Variants in CCNB1IP1 observed in about 807,000 individuals in gnomAD.
CCNB1IP1 encodes E3 ubiquitin-protein ligase CCNB1IP1.
CCNB1IP1 carries 14 observed loss-of-function variants against 25.6 expected under a neutral mutation model. The observed-to-expected ratio is 0.55, with a 90% CI of 0.36 to 0.85. CCNB1IP1 has a LOEUF of 0.85. Among genes scored for constraint, CCNB1IP1 ranks in the 40% least tolerant of loss-of-function variants. The probability of loss-of-function intolerance (pLI) is 0.01; values close to 1 mark genes in which losing one functional copy is unlikely to be tolerated. For synonymous variants in CCNB1IP1, 119 were observed against 116.1 expected (o/e 1.02, Z -0.16); for missense variants, 278 against 342.4 (o/e 0.81, Z 1.48).
chr14:20,327,109 A>AC (rs1387172916), intron 2 of CCNB1IP1, among the ~76,000 whole-genome samples: 1 of 151,888 alleles, frequency 6.6e-6, no homozygotes, highest in African/African-American at 2.4e-5. Context: ...AACAACAACA[A>AC]AAAAAAACCG....
chr14:20,331,984 T>C (rs1302148176), intron 1 of CCNB1IP1, among the ~76,000 whole-genome samples: 4 of 144,626 alleles, frequency 2.8e-5, no homozygotes, highest in African/African-American at 1.0e-4. Context: ...TTCAAAAATA[T>C]ATATATATAT....
intron 6 of CCNB1IP1, among the ~76,000 whole-genome samples, chr14:20,312,782 G>A (rs1042068260): frequency 2.6e-5 from 4 of 151,352 alleles, no homozygotes; most frequent in East Asian, 3.9e-4. Context: ...GTGATTTAAA[G>A]AAAGAACCCT....
intron 1 of CCNB1IP1, among the ~76,000 whole-genome samples, chr14:20,331,229 C>G (rs370946190): frequency 1.3e-5 from 2 of 152,168 alleles, no homozygotes; most frequent in Admixed American, 1.3e-4. Flanking sequence ...ACACTGAAAG[C>G]ATGCCCTTTC....
intron 4 of CCNB1IP1, among the ~76,000 whole-genome samples, chr14:20,325,338 G>T (rs1241610568): frequency 6.7e-6 from 1 of 149,778 alleles, no homozygotes; most frequent in African/African-American, 2.5e-5. Context: ...GGAGAATGGC[G>T]TGAACCCGGG....
intron 1 of CCNB1IP1, among the ~76,000 whole-genome samples, chr14:20,331,752 T>G (rs1296116969): frequency 6.6e-6 from 1 of 151,638 alleles, no homozygotes; most frequent in Non-Finnish European, 1.5e-5. Context: ...TATGTTACCA[T>G]TATGAAGAAT....
intron 2 of CCNB1IP1, among the ~76,000 whole-genome samples, chr14:20,328,950 A>G (rs530878207): frequency 6.6e-6 from 1 of 152,336 alleles, no homozygotes; most frequent in South Asian, 2.1e-4. Context: ...TCAAAGTACT[A>G]GTGTTCATAG....
At chr14:20,322,280 A>G (rs562893842) in intron 4 of CCNB1IP1, among the ~76,000 whole-genome samples, 3 of 152,244 alleles carry the variant, frequency 2.0e-5, no homozygotes, top group African/African-American at 7.2e-5. Context: ...TGGTTTGTCA[A>G]TCAGGGCTTC....
At chr14:20,311,818 G>A (rs888707870) in intron 6 of CCNB1IP1, 66 bp from the exon 7 acceptor site, 4 of 998,386 alleles carry the variant, frequency 4.0e-6, no homozygotes, top group African/African-American at 1.7e-5. Flanking sequence ...TACTTCAGAG[G>A]AATCATCAAA....
chr14:20,330,349 A>G (rs1283690023), intron 1 of CCNB1IP1, among the ~76,000 whole-genome samples: 1 of 152,150 alleles, frequency 6.6e-6, no homozygotes, highest in East Asian at 1.9e-4. Flanking sequence ...AGGAAAAGAG[A>G]GAGAGGGGCA....
intron 2 of CCNB1IP1, among the ~76,000 whole-genome samples, chr14:20,327,350 G>T (rs1372455332): frequency 6.6e-6 from 1 of 151,902 alleles, no homozygotes; most frequent in Admixed American, 6.6e-5. Context: ...GCCAATGCCG[G>T]ATTGTATTTA....
At chr14:20,323,893 G>C (rs1882978954) in intron 4 of CCNB1IP1, among the ~76,000 whole-genome samples, 1 of 145,378 alleles carries the variant, frequency 6.9e-6, no homozygotes, top group Admixed American at 6.9e-5. Context: ...ACTCCAGCCT[G>C]GGCGACAGAG....
chr14:20,332,773 G>A (rs865814835), intron 1 of CCNB1IP1: 1 of 152,168 alleles, frequency 6.6e-6, no homozygotes, highest in Non-Finnish European at 1.5e-5. Flanking sequence ...CTGAGCGAAG[G>A]CCAGGAGAAA....
At chr14:20,319,936 GTCTA>G (rs1882838578) in intron 4 of CCNB1IP1, among the ~76,000 whole-genome samples, 1 of 152,306 alleles carries the variant, frequency 6.6e-6, no homozygotes, top group South Asian at 2.1e-4. Flanking sequence ...TTTCATTGTT[GTCTA>G]TCTGATGACA....
intron 5 of CCNB1IP1, among the ~76,000 whole-genome samples, chr14:20,315,038 C>G (rs566626810): frequency 7.3e-6 from 1 of 136,636 alleles, no homozygotes; most frequent in East Asian, 2.3e-4. Context: ...TTGCAGTGAG[C>G]TGAGATCGCG....
intron 4 of CCNB1IP1, chr14:20,317,774 T>C (rs1310976959): frequency 6.6e-6 from 1 of 152,196 alleles, no homozygotes; most frequent in African/African-American, 2.4e-5. Flanking sequence ...GAGAAAATAA[T>C]AGTAACAAAT....
chr14:20,313,862 G>T, intron 5 of CCNB1IP1, 61 bp from the exon 6 acceptor site: 1 of 1,251,478 alleles, frequency 8.0e-7, no homozygotes, highest in Non-Finnish European at 1.1e-6. Context: ...ATTGTAAAAT[G>T]TTATACAAAC....
At chr14:20,329,755 T>G (rs1447194499) in intron 1 of CCNB1IP1, among the ~76,000 whole-genome samples, 1 of 152,178 alleles carries the variant, frequency 6.6e-6, no homozygotes, top group Non-Finnish European at 1.5e-5. Flanking sequence ...TTTGAGAAAT[T>G]TCCATACTGT....
At chr14:20,332,090 A>C (rs1259523701) in intron 1 of CCNB1IP1, among the ~76,000 whole-genome samples, 2 of 122,618 alleles carry the variant, frequency 1.6e-5, no homozygotes, top group African/African-American at 6.6e-5. Flanking sequence ...GCTGGAGTGC[A>C]ATGGCGCGAT....
Position 20,316,559 on chromosome 14 carries a change from G to C in CCNB1IP1, c.-36C>G. ...TGAGGTCTCCAGAAGCTGAAGAGAG[G>C]CCTAAGAAGGGGTAAATAAAAAGGC... On this transcript the variant is annotated splice_region_variant and 5_prime_UTR_variant, in exon 5 of 7. Coordinates refer to ENST00000358932, the MANE Select transcript of CCNB1IP1 (RefSeq NM_021178.5). The C allele has an allele frequency of 6.4e-7, 1 of 1,564,382 alleles. No homozygotes were observed.
Sources: gnomAD v4.1 joint callset for allele counts (sites outside exome capture counted in the v4.1 genomes callset) on GRCh38, gnomAD v4.1.1 for gene constraint, MANE v1.5 for transcripts, NCBI Gene and HGNC (gene_info 2026-07-23, HGNC 2026-07-21) for gene names.